Variants in WASF3 observed in about 807,000 individuals in gnomAD.
The protein encoded by WASF3 is actin-binding protein WASF3.
In WASF3, 11 loss-of-function variants were observed where a neutral mutation model predicts 46.6. That is an observed-to-expected ratio of 0.24 (90% CI 0.15 to 0.39). The LOEUF (loss-of-function observed/expected upper bound fraction) is 0.39. Among genes scored for constraint, WASF3 ranks in the 10% least tolerant of loss-of-function variants. The pLI, the probability that WASF3 is intolerant of heterozygous loss-of-function variation, is 1.00. For missense variants in WASF3, 576 were observed against 669.8 expected, an observed-to-expected ratio of 0.86 and a Z score of 1.55; for synonymous variants, 242 against 259.7, an observed-to-expected ratio of 0.93 and a Z score of 0.65.
At chr13:26,579,478 G>C (rs1879913979) in intron 1 of WASF3, among the ~76,000 whole-genome samples, 1 of 152,146 alleles carries the variant, frequency 6.6e-6, no homozygotes, top group African/African-American at 2.4e-5. Context: ...GAAGTGCCAA[G>C]GATAGGAAGT....
chr13:26,588,884 A>T (rs903238543), intron 1 of WASF3, among the ~76,000 whole-genome samples: 1 of 151,980 alleles, frequency 6.6e-6, no homozygotes, highest in African/African-American at 2.4e-5. Flanking sequence ...TGCAGCCTTG[A>T]CCTCCTGGGC....
Position 26,589,153 on chromosome 13 carries a change from C to T in WASF3, c.-108-23808C>T, listed in dbSNP as rs190681059. On this transcript the variant is annotated intron_variant, in intron 1 of 9. Transcript: ENST00000335327. ...CTTCCATGTCTGCTTTTCAAATACT[C>T]AGTAGATGGATAGTTACTTCGTTCC... Among the ~76,000 whole-genome samples the T allele has an allele frequency of 1.8e-3, 277 of 152,300 alleles. 1 individual carries two copies. The highest frequency in any genetic ancestry group is 1.9e-3 in the Non-Finnish European group (127 of 68,026).
chr13:26,568,508 A>T (rs1879540696), intron 1 of WASF3, among the ~76,000 whole-genome samples: 1 of 151,830 alleles, frequency 6.6e-6, no homozygotes, highest in Admixed American at 6.6e-5. Context: ...GAAGACTCTG[A>T]TTGTATATCA....
intron 1 of WASF3, among the ~76,000 whole-genome samples, chr13:26,590,911 A>C (rs969158032): frequency 7.2e-5 from 11 of 152,212 alleles, no homozygotes; most frequent in Non-Finnish European, 1.5e-5. Flanking sequence ...ATGGTAATGG[A>C]GAGAACTAAA....
chr13:26,598,255 A>T (rs1377461483), intron 1 of WASF3, among the ~76,000 whole-genome samples: 1 of 152,182 alleles, frequency 6.6e-6, no homozygotes, highest in Non-Finnish European at 1.5e-5. Context: ...TTGGCTGCAT[A>T]AATGTCTTCT....
chr13:26,620,980 G>A (rs1881287757), intron 2 of WASF3, among the ~76,000 whole-genome samples: 1 of 152,140 alleles, frequency 6.6e-6, no homozygotes, highest in African/African-American at 2.4e-5. Context: ...GCTAAGTGAC[G>A]TTTTAAAATG....
chr13:26,624,451 T>C (rs1881404813), intron 2 of WASF3, among the ~76,000 whole-genome samples: 1 of 152,002 alleles, frequency 6.6e-6, no homozygotes, highest in Non-Finnish European at 1.5e-5. Flanking sequence ...ACCGAGCATC[T>C]AAGAACTATG....
At chr13:26,567,242 T>C (rs1879493179) in intron 1 of WASF3, among the ~76,000 whole-genome samples, 1 of 152,206 alleles carries the variant, frequency 6.6e-6, no homozygotes. Flanking sequence ...CTCAGGTGGA[T>C]TTTTTGGTGA....
chr13:26,564,122 G>A (rs1038956430), intron 1 of WASF3, among the ~76,000 whole-genome samples: 3 of 152,150 alleles, frequency 2.0e-5, no homozygotes, highest in Non-Finnish European at 4.4e-5. Context: ...CTATGTCTGA[G>A]GCACTGTTCT....
upstream of WASF3, among the ~76,000 whole-genome samples, chr13:26,553,318 T>G (rs767817378): frequency 2.0e-5 from 3 of 152,086 alleles, no homozygotes; most frequent in Non-Finnish European, 4.4e-5. Context: ...GGTCAAATAT[T>G]TACAGAGAAA....
rs183511428 is a variant in WASF3, at chr13:26,666,381, A to G, written c.269-1136A>G. On this transcript the variant is annotated intron_variant, in intron 4 of 9. Transcript: ENST00000335327. ...TTTATGAGATTTTATAGTACATGTC[A>G]TATCTTTAAAATCCTTTTCCAAACA... Among the ~76,000 whole-genome samples, 4 of 152,338 alleles carry G rather than the reference A, an allele frequency of 2.6e-5. No individual in the cohort carries two copies. The East Asian group carries it at 7.7e-4, about 29-fold the overall frequency.
intron 4 of WASF3, among the ~76,000 whole-genome samples, chr13:26,666,768 G>A (rs897681731): frequency 7.3e-5 from 11 of 151,226 alleles, no homozygotes; most frequent in East Asian, 3.9e-4. Context: ...TCGTGGTGGC[G>A]GGTGCCTGTA....
intron 1 of WASF3, among the ~76,000 whole-genome samples, chr13:26,561,718 A>C (rs1228938549): frequency 6.6e-6 from 1 of 152,216 alleles, no homozygotes; most frequent in Non-Finnish European, 1.5e-5. Flanking sequence ...TGTGGAAACT[A>C]CTAGCTCAAG....
rs985776362 is a variant in WASF3, at chr13:26,676,869, G to A, written c.716+145G>A. 3 of 764,622 alleles carry A rather than the reference G, an allele frequency of 3.9e-6. No homozygotes were observed. In the African/African-American group the frequency reaches 5.4e-5, roughly 14 times the overall value. 47.4% of individuals were successfully genotyped at this position (764,622 alleles called of 1,614,324 possible). On this transcript the variant is annotated intron_variant, in intron 7 of 9. Transcript: ENST00000335327. Reference sequence around the variant, plus strand: ...GATTTTCCTTAAAAATTGTTTATCTGTATTTTGATTTTGAAATAATACTTG... The same window carrying A: ...GATTTTCCTTAAAAATTGTTTATCTATATTTTGATTTTGAAATAATACTTG...
intron 3 of WASF3, among the ~76,000 whole-genome samples, chr13:26,651,604 A>C (rs761353195): frequency 6.6e-6 from 1 of 152,250 alleles, no homozygotes; most frequent in Non-Finnish European, 1.5e-5. Context: ...GTCCTCCAGC[A>C]ACCTGTACTA....
intron 3 of WASF3, among the ~76,000 whole-genome samples, chr13:26,654,190 T>C (rs910595364): frequency 1.3e-5 from 2 of 152,172 alleles, no homozygotes; most frequent in South Asian, 2.1e-4. Context: ...CTCTGTCCTC[T>C]TCTTCTACCC....
At chr13:26,544,718 T>C in the WASF3 span, among the ~76,000 whole-genome samples, 1 of 152,056 alleles carries the variant, frequency 6.6e-6, no homozygotes, top group South Asian at 2.1e-4. Context: ...GCATCCCGAG[T>C]CTGTTTGGTG....
intron 6 of WASF3, among the ~76,000 whole-genome samples, chr13:26,675,103 T>C (rs1883025039): frequency 6.6e-6 from 1 of 152,172 alleles, no homozygotes; most frequent in African/African-American, 2.4e-5. Context: ...ACCCACTTAG[T>C]AGCTTTCTCA....
At chr13:26,550,959 C>T in the WASF3 span, among the ~76,000 whole-genome samples, 1 of 152,102 alleles carries the variant, frequency 6.6e-6, no homozygotes, top group Non-Finnish European at 1.5e-5. Flanking sequence ...GCTCTATGTC[C>T]CCACCCAAAT....
Sources: gnomAD v4.1 joint callset for allele counts (sites outside exome capture counted in the v4.1 genomes callset) on GRCh38, gnomAD v4.1.1 for gene constraint, MANE v1.5 for transcripts, NCBI Gene and HGNC (gene_info 2026-07-23, HGNC 2026-07-21) for gene names.